Variants in LSAMP observed in about 807,000 individuals in gnomAD.
The protein encoded by LSAMP is limbic system-associated membrane protein.
Under a neutral mutation model 38.6 loss-of-function variants are expected in LSAMP, and 7 were observed. That is an observed-to-expected ratio of 0.18 (90% CI 0.10 to 0.34). LSAMP has a LOEUF of 0.34. Ranked by LOEUF, LSAMP falls within the 10% of genes least tolerant of loss-of-function variation. The pLI, the probability that LSAMP is intolerant of heterozygous loss-of-function variation, is 1.00. For missense variants in LSAMP, 313 were observed against 420.0 expected (o/e 0.75, Z 2.23); for synonymous variants, 154 against 166.8 (o/e 0.92, Z 0.59).
intron 1 of LSAMP, among the ~76,000 whole-genome samples, chr3:116,101,098 C>A (rs1281547377): frequency 6.6e-6 from 1 of 152,186 alleles, no homozygotes; most frequent in Non-Finnish European, 1.5e-5. Context: ...GTTCCTTACA[C>A]AAAGAAGTTT....
chr3:116,269,555 G>A (rs1024438086), intron 1 of LSAMP, among the ~76,000 whole-genome samples: 8 of 151,836 alleles, frequency 5.3e-5, no homozygotes, highest in East Asian at 3.9e-4. Context: ...TTTTCTTTAC[G>A]TAATTCTGTT....
In LSAMP at chr3:116,377,315, T is replaced by C. The variant is rs111731189; in HGVS notation, c.155+67562A>G. 4.3e-3 allele frequency among the ~76,000 whole-genome samples: 657 copies of C among 152,154 alleles called. 6 individuals carry two copies. The highest frequency in any genetic ancestry group is 0.015 in the African/African-American group (623 of 41,528). ...TCATTGTTCAGCTCCCACTTATAAGTGAGAACATGTGGTGTTTGGTTTTCT... is the reference window on the plus strand; with the variant it reads ...TCATTGTTCAGCTCCCACTTATAAGCGAGAACATGTGGTGTTTGGTTTTCT... On this transcript the variant is annotated intron_variant, in intron 1 of 6. Transcript: ENST00000490035.
chr3:116,109,916 GATGGGGTGCGGAAATAAGGGA>G (rs1482545295), intron 1 of LSAMP, among the ~76,000 whole-genome samples: 4 of 151,724 alleles, frequency 2.6e-5, no homozygotes, highest in African/African-American at 7.3e-5. Flanking sequence ...GAGATAAGAG[GATGGGGTGCGGAAATAAGGGA>G]TTGGGGCACA....
chr3:116,395,149 A>ATTTC (rs567708067), intron 1 of LSAMP, among the ~76,000 whole-genome samples: 396 of 152,180 alleles, frequency 2.6e-3, no homozygotes, highest in Non-Finnish European at 4.5e-3. Context: ...CTGTACATTC[A>ATTTC]TTTCTTTTAC....
intron 1 of LSAMP, among the ~76,000 whole-genome samples, chr3:116,284,891 C>T (rs968388931): frequency 6.6e-6 from 1 of 151,992 alleles, no homozygotes; most frequent in East Asian, 1.9e-4. Flanking sequence ...TTCATCAGTG[C>T]TATTTGAAGA....
intron 3 of LSAMP, among the ~76,000 whole-genome samples, chr3:115,960,504 C>CT (rs1020450705): frequency 2.0e-5 from 3 of 152,182 alleles, no homozygotes; most frequent in African/African-American, 7.2e-5. Context: ...TTCTGCTCTT[C>CT]TTTTTTCCTA....
At chr3:115,988,531 G>T (rs898983703) in intron 3 of LSAMP, among the ~76,000 whole-genome samples, 3 of 152,008 alleles carry the variant, frequency 2.0e-5, no homozygotes, top group African/African-American at 7.2e-5. Flanking sequence ...CAAAATTCTG[G>T]GCTTAAGTGA....
intron 2 of LSAMP, among the ~76,000 whole-genome samples, chr3:116,021,044 G>A (rs983015632): frequency 2.6e-5 from 4 of 152,130 alleles, no homozygotes; most frequent in Non-Finnish European, 5.9e-5. Flanking sequence ...GACTGGTTCA[G>A]AGTGTCACAA....
At chr3:116,019,480 G>A (rs372691617) in intron 3 of LSAMP, 35 bp downstream of exon 3, 15 of 1,605,618 alleles carry the variant, frequency 9.3e-6, no homozygotes, top group Non-Finnish European at 1.2e-5. Flanking sequence ...ATTTTAAACA[G>A]CATGTGGCAT....
At chr3:116,197,161 A>ACACACACT (rs771498153) in intron 1 of LSAMP, among the ~76,000 whole-genome samples, 1 of 150,026 alleles carries the variant, frequency 6.7e-6, no homozygotes, top group Non-Finnish European at 1.5e-5. Context: ...ACACACACAC[A>ACACACACT]CACTCTCTCT....
chr3:116,312,678 C>T (rs1204963651), intron 1 of LSAMP, among the ~76,000 whole-genome samples: 2 of 152,190 alleles, frequency 1.3e-5, no homozygotes, highest in East Asian at 3.9e-4. Flanking sequence ...GTGCAGGTCA[C>T]TAGCCTCATA....
chr3:116,065,477 A>G (rs1707405818), intron 2 of LSAMP, among the ~76,000 whole-genome samples: 1 of 152,178 alleles, frequency 6.6e-6, no homozygotes, highest in South Asian at 2.1e-4. Flanking sequence ...ACTGTACTAG[A>G]GGGCTATACT....
chr3:115,895,926 AT>A (rs1414199178), intron 3 of LSAMP, among the ~76,000 whole-genome samples: 1 of 144,442 alleles, frequency 6.9e-6, no homozygotes, highest in Non-Finnish European at 1.5e-5. Flanking sequence ...AAACACTGCT[AT>A]TTATTTTTCC....
chr3:116,223,441 A>G (rs1414434357), intron 1 of LSAMP, among the ~76,000 whole-genome samples: 2 of 152,220 alleles, frequency 1.3e-5, no homozygotes, highest in African/African-American at 4.8e-5. Flanking sequence ...AAATTGGGAG[A>G]TAAATTTAAT....
At chr3:116,104,365 T>C (rs1242719432) in intron 1 of LSAMP, among the ~76,000 whole-genome samples, 1 of 151,362 alleles carries the variant, frequency 6.6e-6, no homozygotes, top group Non-Finnish European at 1.5e-5. Flanking sequence ...GGGAGGCTAA[T>C]GTTGTTAGAT....
intron 1 of LSAMP, among the ~76,000 whole-genome samples, chr3:116,170,383 T>G (rs1710167470): frequency 6.6e-6 from 1 of 152,178 alleles, no homozygotes; most frequent in South Asian, 2.1e-4. Context: ...CTGTGAAAAT[T>G]TAACAACTGA....
intron 2 of LSAMP, among the ~76,000 whole-genome samples, chr3:116,020,417 G>A (rs978156275): frequency 2.0e-5 from 3 of 152,134 alleles, no homozygotes; most frequent in Non-Finnish European, 4.4e-5. Flanking sequence ...ATAAAGAAAT[G>A]ATATCCTATG....
intron 2 of LSAMP, among the ~76,000 whole-genome samples, chr3:116,070,913 G>A (rs947009459): frequency 6.6e-6 from 1 of 151,924 alleles, no homozygotes; most frequent in African/African-American, 2.4e-5. Context: ...GGTGTCACAC[G>A]CCTGTAATCC....
intron 3 of LSAMP, among the ~76,000 whole-genome samples, chr3:115,935,967 C>T (rs1937686520): frequency 6.6e-6 from 1 of 152,156 alleles, no homozygotes; most frequent in Non-Finnish European, 1.5e-5. Flanking sequence ...TCTGACCACA[C>T]TTCTGCTATT....
Sources: gnomAD v4.1 joint callset for allele counts (sites outside exome capture counted in the v4.1 genomes callset) on GRCh38, gnomAD v4.1.1 for gene constraint, MANE v1.5 for transcripts, NCBI Gene and HGNC (gene_info 2026-07-23, HGNC 2026-07-21) for gene names.